Variants in NEK1 observed in about 807,000 individuals in gnomAD.
NEK1 encodes the protein NIMA related kinase 1, also known as serine/threonine-protein kinase Nek1.
NEK1 carries 137 observed loss-of-function variants against 182.1 expected under a neutral mutation model. The ratio of observed to expected loss-of-function variants is 0.75; its 90% CI spans 0.65 to 0.87. The LOEUF (loss-of-function observed/expected upper bound fraction) is 0.87. Ranked by LOEUF, NEK1 falls within the 40% of genes least tolerant of loss-of-function variation. NEK1 has a pLI of 0.00. For synonymous variants in NEK1, 513 were observed against 492.2 expected, an observed-to-expected ratio of 1.04 and a Z score of -0.56; for missense variants, 1,391 against 1,494.4, an observed-to-expected ratio of 0.93 and a Z score of 1.14.
At position 169,454,783 on chromosome 4, in the gene NEK1, G is replaced by A. The variant is rs551719391; in HGVS notation, c.2587+8460C>T. Among the ~76,000 whole-genome samples the A allele has an allele frequency of 2.3e-4, 35 of 152,274 alleles. No homozygotes were observed. The South Asian group carries it at 7.3e-3, about 32-fold the overall frequency. ...GAAGACAGTGTGGCAATTCCTCAAGGATCTAGAACTATAATTACCATTTGA... is the reference window on the plus strand; with the variant it reads ...GAAGACAGTGTGGCAATTCCTCAAGAATCTAGAACTATAATTACCATTTGA... On this transcript the variant is annotated intron_variant, in intron 27 of 35. Coordinates refer to ENST00000507142, the MANE Select transcript of NEK1 (RefSeq NM_001199397.3).
intron 26 of NEK1, among the ~76,000 whole-genome samples, chr4:169,465,630 C>A (rs1474553345): frequency 6.6e-6 from 1 of 152,116 alleles, no homozygotes; most frequent in African/African-American, 2.4e-5. Context: ...CGAGTTCACA[C>A]AGTGCCAGAA....
intron 2 of NEK1, among the ~76,000 whole-genome samples, chr4:169,608,286 A>C (rs1374331037): frequency 6.6e-6 from 1 of 152,184 alleles, no homozygotes; most frequent in Non-Finnish European, 1.5e-5. Flanking sequence ...AAAACTTTTA[A>C]AACTTGGTTA....
intron 19 of NEK1, among the ~76,000 whole-genome samples, chr4:169,536,481 T>G (rs957469645): frequency 6.6e-5 from 10 of 151,954 alleles, no homozygotes; most frequent in African/African-American, 2.4e-4. Context: ...TAATACAATA[T>G]CCAGTCAAAA....
At chr4:169,397,909 T>C (rs1246235750) in intron 35 of NEK1, among the ~76,000 whole-genome samples, 1 of 152,188 alleles carries the variant, frequency 6.6e-6, no homozygotes, top group Non-Finnish European at 1.5e-5. Flanking sequence ...TGATTACTTA[T>C]GAAAAGCTCT....
chr4:169,412,105 CATTTAG>C (rs1464227330), intron 31 of NEK1, among the ~76,000 whole-genome samples: 7 of 152,182 alleles, frequency 4.6e-5, no homozygotes, highest in Non-Finnish European at 8.8e-5. Context: ...TTAACTCTAG[CATTTAG>C]AGTGGTACCT....
At chr4:169,606,762 C>T (rs1771410288) in intron 2 of NEK1, among the ~76,000 whole-genome samples, 4 of 152,216 alleles carry the variant, frequency 2.6e-5, no homozygotes, top group African/African-American at 9.6e-5. Flanking sequence ...CTCTTTCAAC[C>T]ATGATGGTGT....
At position 169,400,207 on chromosome 4, in the gene NEK1, C is replaced by T; in HGVS notation, c.3847+18G>A. ...TCACATTTACTGAAAATTATACAGA[C>T]ATGTGAGGAAATCTTACCTTCTTGG... is the stretch of plus-strand genomic sequence containing the variant. On this transcript the variant is annotated intron_variant, in intron 35 of 35. Coordinates refer to ENST00000507142, the MANE Select transcript of NEK1 (RefSeq NM_001199397.3). The T allele has an allele frequency of 6.4e-7, 1 of 1,568,318 alleles. No individual in the cohort carries two copies.
At chr4:169,433,931 T>C (rs545855661) in intron 28 of NEK1, among the ~76,000 whole-genome samples, 1 of 152,280 alleles carries the variant, frequency 6.6e-6, no homozygotes, top group South Asian at 2.1e-4. Flanking sequence ...TTTTCACCAT[T>C]ATGTAAAATT....
chr4:169,559,163 T>A (rs575612123), intron 16 of NEK1, among the ~76,000 whole-genome samples: 4 of 152,316 alleles, frequency 2.6e-5, no homozygotes, highest in Non-Finnish European at 5.9e-5. Flanking sequence ...TATTAAACAT[T>A]AATAAAACTG....
chr4:169,397,612 G>T (rs767685783), intron 35 of NEK1, among the ~76,000 whole-genome samples: 17 of 152,238 alleles, frequency 1.1e-4, no homozygotes, highest in Non-Finnish European at 2.5e-4. Flanking sequence ...CAGGCTTTAT[G>T]ATACAGAACT....
At chr4:169,507,918 T>A (rs770262831) in intron 21 of NEK1, 126 bp from the exon 22 acceptor site, 57 of 754,044 alleles carry the variant, frequency 7.6e-5, no homozygotes, top group Non-Finnish European at 1.1e-4. Context: ...TTTAATGCTG[T>A]TAGTTTTCTC....
chr4:169,401,616 T>A, intron 33 of NEK1, 36 bp downstream of exon 33: 2 of 1,579,744 alleles, frequency 1.3e-6, no homozygotes, highest in Non-Finnish European at 1.7e-6. Context: ...ATTTGTAAAC[T>A]GAAAAAGAAA....
At chr4:169,508,358 A>AT in intron 20 of NEK1, 27 bp from the exon 21 acceptor site, 1 of 1,513,816 alleles carries the variant, frequency 6.6e-7, no homozygotes, top group Non-Finnish European at 8.9e-7. Context: ...ACCCCAACAT[A>AT]ATAATGTAAA....
chr4:169,604,358 T>C lies in NEK1; in HGVS notation c.-48-1680A>G, dbSNP rs1157208879. ...GCTAGCTAGTGAAAGCTGAAAAAAG[T>C]GTGAGAAAGAGTCATAAGAGCAATA... On this transcript the variant is annotated intron_variant, in intron 2 of 35. Transcript: ENST00000507142. Among the ~76,000 whole-genome samples the C allele has an allele frequency of 7.9e-5, 12 of 152,140 alleles. No individual in the cohort carries two copies. The East Asian group carries it at 2.1e-3, about 27-fold the overall frequency.
intron 19 of NEK1, among the ~76,000 whole-genome samples, chr4:169,532,033 T>G (rs951870686): frequency 2.6e-5 from 4 of 152,186 alleles, no homozygotes; most frequent in African/African-American, 9.7e-5. Flanking sequence ...TATTAAATTC[T>G]AGAGAGGACA....
At chr4:169,530,162 A>G (rs1366302149) in intron 19 of NEK1, among the ~76,000 whole-genome samples, 1 of 152,210 alleles carries the variant, frequency 6.6e-6, no homozygotes, top group Non-Finnish European at 1.5e-5. Context: ...ACATCCATTC[A>G]ATGGAGTACT....
At chr4:169,497,396 C>G (rs1326301532) in intron 23 of NEK1, among the ~76,000 whole-genome samples, 4 of 150,650 alleles carry the variant, frequency 2.7e-5, no homozygotes, top group Non-Finnish European at 5.9e-5. Context: ...TTTTGTGTCT[C>G]TATTTCCTTC....
In NEK1 at chr4:169,394,079, A is replaced by G; in HGVS notation, c.*431T>C. ...AGAACTGCTGGCCAGAATGAAAACA[A>G]GTACTAGACAGAAAAAAGATCATGC... On this transcript the variant is annotated 3_prime_UTR_variant, in exon 36 of 36. Coordinates refer to ENST00000507142, the MANE Select transcript of NEK1 (RefSeq NM_001199397.3). 2 of 155,426 alleles carry G rather than the reference A, an allele frequency of 1.3e-5. No homozygotes were observed. Among genetic ancestry groups the G allele is most frequent in the Non-Finnish European group, 2.9e-5 (2 of 70,084 alleles). 9.6% of individuals were successfully genotyped at this position (155,426 alleles called of 1,614,324 possible). A position where few individuals can be genotyped will look rare whatever the true frequency, so the allele number is the denominator to read the frequency against.
intron 18 of NEK1, among the ~76,000 whole-genome samples, chr4:169,549,722 C>CTT (rs1231494970): frequency 1.3e-5 from 2 of 151,668 alleles, no homozygotes; most frequent in Non-Finnish European, 2.9e-5. Context: ...GACACCCGGT[C>CTT]TTTTTTTGTT....
Sources: allele counts gnomAD v4.1 joint callset (sites outside exome capture counted in the v4.1 genomes callset), GRCh38; gene constraint gnomAD v4.1.1; transcripts MANE v1.5; gene names NCBI Gene and HGNC (gene_info 2026-07-23, HGNC 2026-07-21).